ZAP70: variants seen among roughly 807,000 people sequenced by gnomAD.
ZAP70 encodes the protein zeta chain of T cell receptor associated protein kinase 70.
A neutral mutation model predicts 65.8 loss-of-function variants in ZAP70; 27 were observed. The ratio of observed to expected loss-of-function variants is 0.41; its 90% CI spans 0.30 to 0.57. The LOEUF is 0.57. Among genes scored for constraint, ZAP70 ranks in the 20% least tolerant of loss-of-function variants. The pLI, the probability that ZAP70 is intolerant of heterozygous loss-of-function variation, is 0.28. For synonymous variants in ZAP70, 363 were observed against 360.8 expected, an observed-to-expected ratio of 1.01 and a Z score of -0.07; for missense variants, 696 against 870.5, an observed-to-expected ratio of 0.80 and a Z score of 2.52.
rs1258013442 is a variant in ZAP70 at position 97,737,369 on chromosome 2, C to T, written c.1290-104C>T. 7.9e-7 allele frequency: 1 copy of T among 1,267,538 alleles called. No homozygotes were observed. The highest frequency in any genetic ancestry group is 1.8e-5 in the Admixed American group (1 of 54,110). 78.5% of individuals were successfully genotyped at this position (1,267,538 alleles called of 1,614,324 possible). Reference sequence around the variant, plus strand: ...GGTGCTCAATAAGCGTTTTTGAACACATGGTCACCTGGCTCATGCCCAGCT... The same window carrying T: ...GGTGCTCAATAAGCGTTTTTGAACATATGGTCACCTGGCTCATGCCCAGCT... On this transcript the variant is annotated intron_variant, in intron 10 of 13. Transcript: ENST00000264972. This position sits in a 1 kb window ranked among gnomAD's most constrained non-coding sequence, Gnocchi z 5.0.
the ZAP70 span, among the ~76,000 whole-genome samples, chr2:97,752,769 C>CTA: frequency 6.6e-6 from 1 of 152,232 alleles, no homozygotes; most frequent in African/African-American, 2.4e-5. Flanking sequence ...TTTATTTATA[C>CTA]TATCAATATA....
At position 97,724,452 on chromosome 2, in the gene ZAP70, C is replaced by T; in HGVS notation, c.402+14C>T. The stretch of plus-strand genomic sequence containing the variant: ...TGGAAGCTGGAGGTGAGAGCGCAGC[C>T]TGGGGCGCGGGGTCTGGAGGGGCGT... On this transcript the variant is annotated intron_variant, in intron 3 of 13. Transcript: ENST00000264972. 6.5e-7 allele frequency: 1 copy of T among 1,527,190 alleles called. No individual in the cohort carries two copies. 94.6% of individuals were successfully genotyped at this position (1,527,190 alleles called of 1,614,324 possible). A position where few individuals can be genotyped will look rare whatever the true frequency, so the allele number is the denominator to read the frequency against.
chr2:97,751,961 A>G, the ZAP70 span, among the ~76,000 whole-genome samples: 1 of 152,246 alleles, frequency 6.6e-6, no homozygotes, highest in Non-Finnish European at 1.5e-5. Context: ...ACTGGGGATC[A>G]TATTTCAACA....
At chr2:97,755,305 AT>A in the ZAP70 span, among the ~76,000 whole-genome samples, 1 of 152,182 alleles carries the variant, frequency 6.6e-6, no homozygotes, top group Non-Finnish European at 1.5e-5. Context: ...AAAAAATAAA[AT>A]TTAGATGTGT....
chr2:97,734,209 C>T (rs1677743995), intron 8 of ZAP70: 4 of 533,168 alleles, frequency 7.5e-6, no homozygotes, highest in African/African-American at 3.8e-5. Flanking sequence ...ACGGGCCCGG[C>T]CATAGGCGTA....
rs1246320051 is a variant in ZAP70, at chr2:97,724,086, G to A, written c.50G>A (p.Arg17His). ...HLPFFYGSISRAEAEEHLKLA... is the reference protein window; with the variant it reads ...HLPFFYGSISHAEAEEHLKLA... ...CCCTTCTTCTACGGCAGCATCTCGC[G>A]TGCCGAGGCCGAGGAGCACCTGAAG... The change falls in exon 3 of 14, where the codon CGT (arginine) becomes CAT (histidine). Residue 17 changes from arginine (R) to histidine (H), a missense_variant. This residue lies in a region of ZAP70 where 551 missense variants were observed against 630.0 expected (regional missense o/e 0.87). Coordinates refer to ENST00000264972, the MANE Select transcript of ZAP70 (RefSeq NM_001079.4). 2 of 1,561,066 alleles carry A rather than the reference G, an allele frequency of 1.3e-6. No homozygotes were observed. Among genetic ancestry groups the A allele is most frequent in the Non-Finnish European group, 1.7e-6 (2 of 1,157,318 alleles).
intron 9 of ZAP70, 195 bp downstream of exon 9, chr2:97,734,907 TG>T: frequency 1.5e-6 from 1 of 676,436 alleles, no homozygotes; most frequent in Non-Finnish European, 2.4e-6. Flanking sequence ...GGATGGGGCC[TG>T]GGCAGGGGGA....
At chr2:97,744,379 G>GC (rs1678200095), downstream of ZAP70, among the ~76,000 whole-genome samples, 1 of 152,188 alleles carries the variant, frequency 6.6e-6, no homozygotes, top group East Asian at 1.9e-4. Flanking sequence ...ATATGACAAG[G>GC]CCCTGGACTC....
chr2:97,718,686 T>G (rs545093444), intron 2 of ZAP70, among the ~76,000 whole-genome samples: 1 of 152,254 alleles, frequency 6.6e-6, no homozygotes, highest in Non-Finnish European at 1.5e-5. Context: ...CCTCATCTCC[T>G]CTTCTGCCCT....
intron 9 of ZAP70, 194 bp from the exon 10 acceptor site, chr2:97,735,054 AGC>A: frequency 1.4e-6 from 1 of 697,670 alleles, no homozygotes; most frequent in Non-Finnish European, 2.4e-6. Flanking sequence ...GTTCCCGGTG[AGC>A]GATCCGGCTG....
At chr2:97,754,525 C>T in the ZAP70 span, among the ~76,000 whole-genome samples, 1 of 152,094 alleles carries the variant, frequency 6.6e-6, no homozygotes, top group East Asian at 1.9e-4. Context: ...GCCTCAGCCT[C>T]CTGAGTAGCT....
In ZAP70 at chr2:97,719,733, A is replaced by G. The variant is rs138981708; in HGVS notation, c.-21-4283A>G. Among the ~76,000 whole-genome samples the G allele has an allele frequency of 5.3e-5, 8 of 152,260 alleles. No individual in the cohort carries two copies. In the East Asian group the frequency reaches 1.5e-3, roughly 29 times the overall value. On this transcript the variant is annotated intron_variant, in intron 2 of 13. Transcript: ENST00000264972. ...AAATTTGGGGTATAATTTACATGCAATAAAATTTTTATATCATTTTAGTGA... is the reference window on the plus strand; with the variant it reads ...AAATTTGGGGTATAATTTACATGCAGTAAAATTTTTATATCATTTTAGTGA...
At chr2:97,742,563 G>C (rs1294792637), downstream of ZAP70, among the ~76,000 whole-genome samples, 1 of 152,212 alleles carries the variant, frequency 6.6e-6, no homozygotes, top group African/African-American at 2.4e-5. Context: ...TTCACCTTTT[G>C]TCCCTTCAGG....
chr2:97,747,199 C>T, the ZAP70 span, among the ~76,000 whole-genome samples: 1 of 152,154 alleles, frequency 6.6e-6, no homozygotes, highest in Non-Finnish European at 1.5e-5. Flanking sequence ...CCAGGAATTC[C>T]ACTCCTGGGT....
intron 2 of ZAP70, among the ~76,000 whole-genome samples, chr2:97,721,597 T>C (rs1203226102): frequency 6.9e-6 from 1 of 143,988 alleles, no homozygotes; most frequent in East Asian, 2.0e-4. Flanking sequence ...TTTTTTTTTT[T>C]TTTTTTTTGT....
At chr2:97,750,653 T>C in the ZAP70 span, among the ~76,000 whole-genome samples, 1 of 152,216 alleles carries the variant, frequency 6.6e-6, no homozygotes, top group Admixed American at 6.5e-5. Flanking sequence ...CTCCAGGTAA[T>C]GGGCGCATGT....
At position 97,737,740 on chromosome 2, in the gene ZAP70, C is replaced by G; in HGVS notation, c.1483-17C>G. The G allele has an allele frequency of 6.2e-7, 1 of 1,614,132 alleles. No homozygotes were observed. Among genetic ancestry groups the G allele is most frequent in the Non-Finnish European group, 8.5e-7 (1 of 1,179,994 alleles). On this transcript the variant is annotated splice_polypyrimidine_tract_variant and intron_variant, in intron 11 of 13. Coordinates refer to ENST00000264972, the MANE Select transcript of ZAP70 (RefSeq NM_001079.4). This position sits in a 1 kb window ranked among gnomAD's most constrained non-coding sequence, Gnocchi z 5.0. ...GGGTCCCTGACCCCTGATCCAGCAG[C>G]ATCTCCCCCTCCCCAGGCCCGCTCA...
chr2:97,726,609 C>G (rs1677398138), intron 4 of ZAP70, among the ~76,000 whole-genome samples: 1 of 152,278 alleles, frequency 6.6e-6, no homozygotes, highest in Admixed American at 6.5e-5. Flanking sequence ...TGTGAAGTTT[C>G]TGTAGATTGC....
At chr2:97,741,632 G>T (rs1373376586), downstream of ZAP70, among the ~76,000 whole-genome samples, 1 of 152,242 alleles carries the variant, frequency 6.6e-6, no homozygotes, top group Non-Finnish European at 1.5e-5. Flanking sequence ...TCTGATCACT[G>T]CTTGCACACC....
Sources: gnomAD v4.1 joint callset for allele counts (sites outside exome capture counted in the v4.1 genomes callset) on GRCh38, gnomAD v4.1.1 for gene constraint, gnomAD v4.1.1 regional missense constraint, Gnocchi (gnomAD v3.1) non-coding constraint, MANE v1.5 for transcripts, NCBI Gene and HGNC (gene_info 2026-07-23, HGNC 2026-07-21) for gene names.